ZNF280C: variants seen among roughly 807,000 people sequenced by gnomAD.
ZNF280C encodes suppressor of hairy wing homolog 3.
A neutral mutation model predicts 53.6 loss-of-function variants in ZNF280C; 14 were observed. That is an observed-to-expected ratio of 0.26 (90% CI 0.17 to 0.41). The LOEUF (loss-of-function observed/expected upper bound fraction) is 0.41. ZNF280C is among the 10% of genes least tolerant of loss of function. ZNF280C has a pLI of 1.00. For synonymous variants in ZNF280C, 203 were observed against 181.1 expected (o/e 1.12, Z -0.97); for missense variants, 416 against 547.1 (o/e 0.76, Z 2.39).
chrX:130,247,028 C>G (rs752817976), intron 2 of ZNF280C, 23 bp from the exon 3 acceptor site: 23 of 1,181,795 alleles, frequency 1.9e-5, no homozygotes, highest in Non-Finnish European at 2.4e-5. Flanking sequence ...AGAAGAGAAG[C>G]TAACTTTATT....
intron 2 of ZNF280C, among the ~76,000 whole-genome samples, chrX:130,252,957 GA>G (rs1021490420): frequency 5.4e-5 from 6 of 111,470 alleles, no homozygotes; most frequent in African/African-American, 2.0e-4. Context: ...ATCCACATAG[GA>G]AGACAGGAAG....
intron 2 of ZNF280C, among the ~76,000 whole-genome samples, chrX:130,247,211 C>T (rs2032459738): frequency 8.9e-6 from 1 of 112,000 alleles, no homozygotes; most frequent in Non-Finnish European, 1.9e-5. Flanking sequence ...TGGGTTCAAA[C>T]GATTCTCCTG....
intron 6 of ZNF280C, 111 bp from the exon 7 acceptor site, chrX:130,236,750 G>A: frequency 2.3e-6 from 1 of 439,537 alleles, no homozygotes; most frequent in Non-Finnish European, 3.7e-6. Flanking sequence ...AGCAAAAACA[G>A]TTTGGAACTA....
chrX:130,238,465 T>C (rs1028303774), intron 6 of ZNF280C, among the ~76,000 whole-genome samples: 2 of 111,283 alleles, frequency 1.8e-5, no homozygotes, highest in African/African-American at 6.5e-5. Flanking sequence ...CAAAAATCTT[T>C]AGAATAAAGG....
intron 16 of ZNF280C, among the ~76,000 whole-genome samples, chrX:130,207,627 G>C (rs1442752454): frequency 9.0e-6 from 1 of 111,405 alleles, no homozygotes; most frequent in African/African-American, 3.3e-5. Context: ...TGCCCAAAGT[G>C]CTGGGATTAC....
intron 2 of ZNF280C, 98 bp from the exon 3 acceptor site, chrX:130,247,103 C>G: frequency 1.2e-6 from 1 of 831,776 alleles, no homozygotes; most frequent in East Asian, 3.3e-5. Context: ...TGTAATAATC[C>G]TAATAGCAAT....
At chrX:130,243,738 T>C in intron 4 of ZNF280C, 39 bp from the exon 5 acceptor site, 1 of 1,172,791 alleles carries the variant, frequency 8.5e-7, no homozygotes, top group African/African-American at 1.8e-5. Context: ...AATATATTTC[T>C]ATACAACCAA....
chrX:130,216,842 T>C (rs1313067229), intron 13 of ZNF280C, among the ~76,000 whole-genome samples: 8 of 110,353 alleles, frequency 7.2e-5, no homozygotes, highest in Non-Finnish European at 5.7e-5. Flanking sequence ...CTTTTAAAAA[T>C]ACAAAAAATT....
intron 16 of ZNF280C, 48 bp from the exon 17 acceptor site, chrX:130,205,463 A>G: frequency 1.1e-6 from 1 of 875,367 alleles, no homozygotes; most frequent in Non-Finnish European, 1.6e-6. Flanking sequence ...CATTTATGAA[A>G]ATCCATATGA....
intron 1 of ZNF280C, among the ~76,000 whole-genome samples, chrX:130,265,772 A>G (rs1323534965): frequency 1.8e-5 from 2 of 112,562 alleles, no homozygotes; most frequent in Non-Finnish European, 3.8e-5. Context: ...CATTAAATAA[A>G]GCAAGTGAAA....
intron 3 of ZNF280C, among the ~76,000 whole-genome samples, chrX:130,244,799 AAGAG>A (rs202162754): frequency 8.8e-5 from 4 of 45,346 alleles, no homozygotes; most frequent in African/African-American, 5.0e-4. Context: ...AAAAAAAAAA[AAGAG>A]AGAAAAGAAT....
chrX:130,234,885 T>C (rs605649), intron 8 of ZNF280C, among the ~76,000 whole-genome samples: 54,921 of 110,692 alleles, frequency 0.5, 10,593 homozygotes, highest in African/African-American at 0.72. Context: ...TTTATAACTA[T>C]ATAAACTATA....
chrX:130,206,887 T>C lies in ZNF280C; in HGVS notation c.2043-1472A>G, dbSNP rs916353562. Among the ~76,000 whole-genome samples the C allele has an allele frequency of 6.2e-5, 7 of 112,437 alleles. No homozygotes were observed. The South Asian group carries it at 2.2e-3, about 36-fold the overall frequency. ...TCAATATTTCAAACGTTTTATGATG[T>C]TAACGATTTATCGAGTACTTACTCT... On this transcript the variant is annotated intron_variant, in intron 16 of 18. Transcript: ENST00000370978.
chrX:130,261,397 T>C (rs2032629565), intron 1 of ZNF280C, among the ~76,000 whole-genome samples: 1 of 112,375 alleles, frequency 8.9e-6, no homozygotes, highest in Non-Finnish European at 1.9e-5. Context: ...AAATCTAAAG[T>C]AGGATATACA....
rs749761608 is a variant in ZNF280C at position 130,236,334 on chromosome X, A to C, written c.665-14T>G. 1.4e-5 allele frequency: 16 copies of C among 1,161,017 alleles called. No homozygotes were observed. The highest frequency in any genetic ancestry group is 1.9e-5 in the Non-Finnish European group (16 of 859,484). ...AGGTATTTGTACCTACAATAAATTA[A>C]GAACTTTTAAGACTCAAATCCATCT... On this transcript the variant is annotated splice_polypyrimidine_tract_variant and intron_variant, in intron 7 of 18. Transcript: ENST00000370978.
At chrX:130,254,771 GGGA>G (rs1435020440) in intron 2 of ZNF280C, among the ~76,000 whole-genome samples, 1 of 110,780 alleles carries the variant, frequency 9.0e-6, no homozygotes, top group East Asian at 2.8e-4. Flanking sequence ...GGTGGAGGGT[GGGA>G]GGAGGGAGAG....
chrX:130,209,422 A>G lies in ZNF280C; in HGVS notation c.2042+231T>C, dbSNP rs965967571. Among the ~76,000 whole-genome samples, 6 of 112,244 alleles carry G rather than the reference A, an allele frequency of 5.3e-5. No homozygotes were observed. The Admixed American group carries it at 5.7e-4, about 11-fold the overall frequency. On this transcript the variant is annotated intron_variant, in intron 16 of 18. Transcript: ENST00000370978. ...TTCATAAACTTACTTCTATTCAGAT[A>G]TGGTTGGAGAACCTTATTTTTGTTA... is the stretch of plus-strand genomic sequence containing the variant.
At chrX:130,232,787 G>C (rs762601427) in intron 8 of ZNF280C, among the ~76,000 whole-genome samples, 1 of 112,019 alleles carries the variant, frequency 8.9e-6, no homozygotes, top group East Asian at 2.8e-4. Flanking sequence ...TTCTCAAAAA[G>C]TTAAAAATAG....
intron 5 of ZNF280C, among the ~76,000 whole-genome samples, chrX:130,240,678 G>A (rs931316871): frequency 1.8e-5 from 2 of 112,033 alleles, no homozygotes; most frequent in Admixed American, 1.9e-4. Flanking sequence ...CACAATTTCG[G>A]AAAGCAGACA....
Sources: gnomAD v4.1 joint callset for allele counts (sites outside exome capture counted in the v4.1 genomes callset) on GRCh38, gnomAD v4.1.1 for gene constraint, MANE v1.5 for transcripts, NCBI Gene and HGNC (gene_info 2026-07-23, HGNC 2026-07-21) for gene names.